Variants in GNL3L observed in about 807,000 individuals in gnomAD.
GNL3L encodes the protein guanine nucleotide-binding protein-like 3-like protein.
A neutral mutation model predicts 42.9 loss-of-function variants in GNL3L; 4 were observed. The ratio of observed to expected loss-of-function variants is 0.09; its 90% CI spans 0.05 to 0.21. The LOEUF (loss-of-function observed/expected upper bound fraction) is 0.21, where lower values mean the gene tolerates loss of function less well. Among genes scored for constraint, GNL3L ranks in the 10% least tolerant of loss-of-function variants. GNL3L has a pLI of 1.00. For synonymous variants in GNL3L, 159 were observed against 176.3 expected, an observed-to-expected ratio of 0.90 and a Z score of 0.78; for missense variants, 412 against 481.7, an observed-to-expected ratio of 0.86 and a Z score of 1.36.
rs1924563797 is a variant in GNL3L, at chrX:54,540,123, T to C, written c.82-12T>C. 8.7e-7 allele frequency: 1 copy of C among 1,146,389 alleles called. No individual in the cohort carries two copies. Among genetic ancestry groups the C allele is most frequent in the Non-Finnish European group, 1.2e-6 (1 of 836,957 alleles). The allele number at this position is 1,146,389 out of a possible 1,213,427, so 94.5% of individuals were successfully genotyped here. ...CATTACCTCTGTTTTTTTTCTCTTA[T>C]GTGGTGGCCAGCCTGCAAAGCAAAA... On this transcript the variant is annotated splice_polypyrimidine_tract_variant and intron_variant, in intron 3 of 15. Coordinates refer to ENST00000360845, the MANE Select transcript of GNL3L (RefSeq NM_001184819.2).
chrX:54,600,462 G>A (rs1014500577), intron 16 of GNL3L, among the ~76,000 whole-genome samples: 1 of 109,001 alleles, frequency 9.2e-6, no homozygotes, highest in African/African-American at 3.3e-5. Context: ...CTGACCTCAG[G>A]TGATCTGCCT....
At chrX:54,552,171 A>G in intron 12 of GNL3L, 121 bp from the exon 13 acceptor site, 2 of 837,664 alleles carry the variant, frequency 2.4e-6, no homozygotes, top group Middle Eastern at 3.4e-4. Context: ...TCTTGTTCAG[A>G]AGCCACTGTC....
At position 54,572,867 on chromosome X, in the gene GNL3L, G is replaced by A. The variant is rs777056374; in HGVS notation, c.*45+12220G>A. Among the ~76,000 whole-genome samples, 648 of 105,416 alleles carry A rather than the reference G, an allele frequency of 6.1e-3. 3 individuals are homozygous for A. Among genetic ancestry groups the A allele is most frequent in the Non-Finnish European group, 9.9e-3 (490 of 49,509 alleles). 91.5% of individuals were successfully genotyped at this position (105,416 alleles called of 115,157 possible). A position where few individuals can be genotyped will look rare whatever the true frequency, so the allele number is the denominator to read the frequency against. ...CAGAGACGCTCCTCACCTCCCAGAC[G>A]GGGTCGCAGCCGGGCAGAGGCGCTC... On this transcript the variant is annotated intron_variant, in intron 16 of 16. Transcript: ENST00000674498.
the GNL3L span, among the ~76,000 whole-genome samples, chrX:54,631,400 A>G: frequency 9.0e-5 from 10 of 110,923 alleles, no homozygotes; most frequent in Admixed American, 1.9e-4. Flanking sequence ...TCTAACAAAT[A>G]CTACTAGGTC....
At chrX:54,639,531 G>T in the GNL3L span, among the ~76,000 whole-genome samples, 2 of 112,018 alleles carry the variant, frequency 1.8e-5, no homozygotes, top group Non-Finnish European at 3.8e-5. Flanking sequence ...TCGGAAAGGG[G>T]CGTTATCTCT....
At chrX:54,558,411 C>T (rs1441242423) in intron 14 of GNL3L, 25 bp from the exon 15 acceptor site, 11 of 1,063,678 alleles carry the variant, frequency 1.0e-5, no homozygotes, top group Non-Finnish European at 1.4e-5. Flanking sequence ...AAGACCTCAT[C>T]GTTATGTTTT....
At chrX:54,611,265 G>T in intron 16 of GNL3L, among the ~76,000 whole-genome samples, 1 of 111,337 alleles carries the variant, frequency 9.0e-6, no homozygotes, top group Non-Finnish European at 1.9e-5. Flanking sequence ...CTTGCTAATG[G>T]TCTATCCATT....
At chrX:54,572,656 C>T (rs1210924644) in intron 16 of GNL3L, among the ~76,000 whole-genome samples, 14 of 108,352 alleles carry the variant, frequency 1.3e-4, no homozygotes, top group Admixed American at 3.8e-4. Flanking sequence ...ACCTCCCTCC[C>T]GGATGGGCGG....
chrX:54,636,670 G>T, the GNL3L span, among the ~76,000 whole-genome samples: 18,578 of 111,139 alleles, frequency 0.17, 2,621 homozygotes, highest in African/African-American at 0.48. Context: ...ATGACCTCAA[G>T]CTGCATTCAT....
downstream of GNL3L, among the ~76,000 whole-genome samples, chrX:54,571,256 C>T (rs934283016): frequency 1.4e-3 from 144 of 104,141 alleles, 2 homozygotes; most frequent in Non-Finnish European, 2.6e-3. Flanking sequence ...TGCAGTGGCA[C>T]GATCTCAGCT....
chrX:54,602,428 T>A (rs1250349229), intron 16 of GNL3L, among the ~76,000 whole-genome samples: 1 of 110,456 alleles, frequency 9.1e-6, no homozygotes, highest in Non-Finnish European at 1.9e-5. Flanking sequence ...AAACTGGGCA[T>A]GATTTAAACC....
At chrX:54,596,934 C>T (rs185983515) in intron 16 of GNL3L, among the ~76,000 whole-genome samples, 1 of 111,247 alleles carries the variant, frequency 9.0e-6, no homozygotes, top group African/African-American at 3.3e-5. Context: ...TGGCCTGGGA[C>T]TCACCCTGCC....
intron 16 of GNL3L, among the ~76,000 whole-genome samples, chrX:54,588,781 C>T (rs942387082): frequency 2.1e-4 from 23 of 110,970 alleles, no homozygotes; most frequent in Admixed American, 8.6e-4. Context: ...GCCAAGATCG[C>T]GCTACGGCTC....
chrX:54,602,823 A>G (rs1386809396), intron 16 of GNL3L, among the ~76,000 whole-genome samples: 1 of 111,416 alleles, frequency 9.0e-6, no homozygotes. Flanking sequence ...TACTGACACA[A>G]GAAAACAAAG....
intron 16 of GNL3L, among the ~76,000 whole-genome samples, chrX:54,589,576 C>CT (rs2147519980): frequency 8.9e-6 from 1 of 111,850 alleles, no homozygotes; most frequent in South Asian, 3.7e-4. Context: ...GGATCTCATT[C>CT]TTTTTATGAC....
chrX:54,624,438 C>CTTTTTTTTTTTTTTTT (rs761943977), downstream of GNL3L, among the ~76,000 whole-genome samples: 1 of 82,475 alleles, frequency 1.2e-5, no homozygotes, highest in Non-Finnish European at 2.3e-5. Context: ...TTTTCTTTTT[C>CTTTTTTTTTTTTTTTT]TTTTTTTTTT....
chrX:54,597,037 C>A (rs757036469), intron 16 of GNL3L, among the ~76,000 whole-genome samples: 1 of 111,302 alleles, frequency 9.0e-6, no homozygotes, highest in Non-Finnish European at 1.9e-5. Context: ...ACTCTGCCTC[C>A]CTGCGGTGGA....
rs1569542623 is a variant in GNL3L at position 54,607,068 on chromosome X, CTTTCTCTTTCTTTCTTCTTTCTT to C, written c.*46-13775_*46-13753del. Among the ~76,000 whole-genome samples, 156 of 36,065 alleles carry C rather than the reference CTTTCTCTTTCTTTCTTCTTTCTT, an allele frequency of 4.3e-3. 2 individuals are homozygous for C. Among genetic ancestry groups the C allele is most frequent in the African/African-American group, 0.021 (144 of 6,789 alleles). 31.3% of individuals were successfully genotyped at this position (36,065 alleles called of 115,157 possible). ...TCTTTCTTTCTTTCTTTCTTTCTTT[CTTTCTCTTTCTTTCTTCTTTCTT>C]TCTTTCTTTCTTTCTTTCTTTCTTT... is the stretch of plus-strand genomic sequence containing the variant. On this transcript the variant is annotated intron_variant, in intron 16 of 16. Coordinates refer to the GNL3L transcript ENST00000674498.
In GNL3L at chrX:54,564,296, A is replaced by G. The variant is rs1362452779; in HGVS notation, c.*3694A>G. 2.7e-5 allele frequency among the ~76,000 whole-genome samples: 3 copies of G among 110,898 alleles called. No homozygotes were observed. The highest frequency in any genetic ancestry group is 5.7e-5 in the Non-Finnish European group (3 of 53,013). On this transcript the variant is annotated 3_prime_UTR_variant, in exon 16 of 16. Coordinates refer to ENST00000360845, the MANE Select transcript of GNL3L (RefSeq NM_001184819.2). ...ACCACCAATGCAACCAAGGTACAGA[A>G]CAGTCCTCTTAGCCTCTCCCTACCA... is the stretch of plus-strand genomic sequence containing the variant.
Sources: gnomAD v4.1 joint callset for allele counts (sites outside exome capture counted in the v4.1 genomes callset) on GRCh38, gnomAD v4.1.1 for gene constraint, MANE v1.5 for transcripts, NCBI Gene and HGNC (gene_info 2026-07-23, HGNC 2026-07-21) for gene names.